CALN1: variants seen among roughly 807,000 people sequenced by gnomAD.
CALN1 encodes calcium-binding protein 8.
CALN1 carries 17 observed loss-of-function variants against 30.6 expected under a neutral mutation model. The observed-to-expected ratio is 0.56, with a 90% CI of 0.38 to 0.83. CALN1 has a LOEUF of 0.83. Ranked by LOEUF, CALN1 falls within the 40% of genes least tolerant of loss-of-function variation. CALN1 has a pLI of 0.00. For synonymous variants in CALN1, 156 were observed against 131.4 expected (o/e 1.19, Z -1.28); for missense variants, 291 against 354.9 (o/e 0.82, Z 1.45).
At chr7:71,817,559 A>G (rs1788337629) in intron 5 of CALN1, among the ~76,000 whole-genome samples, 1 of 152,246 alleles carries the variant, frequency 6.6e-6, no homozygotes, top group East Asian at 1.9e-4. Flanking sequence ...TCTGTCGCCC[A>G]GGCTGGAGTG....
intron 5 of CALN1, among the ~76,000 whole-genome samples, chr7:71,976,731 G>GA (rs903179181): frequency 8.5e-5 from 13 of 152,120 alleles, no homozygotes; most frequent in Non-Finnish European, 1.8e-4. Context: ...GATAGAAAAA[G>GA]AAACAACTGG....
chr7:71,897,167 C>G (rs1793575295), intron 5 of CALN1, among the ~76,000 whole-genome samples: 1 of 152,192 alleles, frequency 6.6e-6, no homozygotes, highest in Non-Finnish European at 1.5e-5. Context: ...CCTGTAATAT[C>G]TGTGAGTCCA....
At chr7:72,218,967 G>A (rs545921242) in intron 3 of CALN1, among the ~76,000 whole-genome samples, 1 of 152,176 alleles carries the variant, frequency 6.6e-6, no homozygotes, top group Non-Finnish European at 1.5e-5. Context: ...TCCCAAGAGC[G>A]ACAGAGTGCA....
intron 2 of CALN1, among the ~76,000 whole-genome samples, chr7:72,356,120 CATTTAAAATGATA>C (rs1803208394): frequency 4.6e-5 from 7 of 152,044 alleles, no homozygotes; most frequent in Admixed American, 4.6e-4. Context: ...ATTCTGTGTT[CATTTAAAATGATA>C]ATTTAAAAGT....
intron 2 of CALN1, among the ~76,000 whole-genome samples, chr7:72,367,917 A>G (rs1157005174): frequency 1.3e-5 from 2 of 152,056 alleles, no homozygotes; most frequent in Non-Finnish European, 2.9e-5. Context: ...ATGGATCACC[A>G]GGCCAGGAGA....
chr7:72,444,416 G>T (rs1808457074), intron 1 of CALN1, among the ~76,000 whole-genome samples: 1 of 152,172 alleles, frequency 6.6e-6, no homozygotes, highest in African/African-American at 2.4e-5. Context: ...TGGCTCAGCT[G>T]TATTTCTTAA....
intron 3 of CALN1, among the ~76,000 whole-genome samples, chr7:72,178,810 T>C (rs1219622594): frequency 6.7e-6 from 1 of 149,426 alleles, no homozygotes; most frequent in Non-Finnish European, 1.5e-5. Flanking sequence ...AATGTCATTT[T>C]GTCAGATTTA....
chr7:71,979,665 C>G (rs984459255), intron 5 of CALN1, among the ~76,000 whole-genome samples: 1 of 151,848 alleles, frequency 6.6e-6, no homozygotes, highest in Non-Finnish European at 1.5e-5. Context: ...GCTCCACGGC[C>G]GGGGGGTTGG....
intron 5 of CALN1, among the ~76,000 whole-genome samples, chr7:71,832,987 T>A (rs190070946): frequency 6.6e-6 from 1 of 152,294 alleles, no homozygotes; most frequent in Non-Finnish European, 1.5e-5. Context: ...ATGCCAGCCA[T>A]TCTACTTAGT....
chr7:72,497,693 A>C, the CALN1 span, among the ~76,000 whole-genome samples: 18 of 152,218 alleles, frequency 1.2e-4, no homozygotes, highest in Admixed American at 7.9e-4. Context: ...ACAGAATTTA[A>C]CACTCTTCAG....
chr7:72,160,346 T>C (rs1788014701), intron 3 of CALN1, among the ~76,000 whole-genome samples: 1 of 151,906 alleles, frequency 6.6e-6, no homozygotes, highest in Non-Finnish European at 1.5e-5. Context: ...TAGTGCAATC[T>C]AGTGCCACTG....
chr7:71,805,117 T>A (rs1029341828), intron 6 of CALN1, among the ~76,000 whole-genome samples: 1 of 152,176 alleles, frequency 6.6e-6, no homozygotes, highest in African/African-American at 2.4e-5. Flanking sequence ...TCTCCTGAGC[T>A]CCCAGCCCTC....
At chr7:71,960,857 G>A (rs1797214326) in intron 5 of CALN1, among the ~76,000 whole-genome samples, 1 of 152,050 alleles carries the variant, frequency 6.6e-6, no homozygotes. Context: ...TTACTCTGTT[G>A]CCCAGGTGGA....
the CALN1 span, among the ~76,000 whole-genome samples, chr7:72,494,584 A>G: frequency 6.6e-6 from 1 of 152,158 alleles, no homozygotes; most frequent in Non-Finnish European, 1.5e-5. Flanking sequence ...TACCACATCA[A>G]AGGCAACACA....
chr7:71,983,743 G>C (rs1349568454), intron 5 of CALN1, among the ~76,000 whole-genome samples: 4 of 152,094 alleles, frequency 2.6e-5, no homozygotes, highest in Non-Finnish European at 5.9e-5. Context: ...TGTTGGCCAG[G>C]CTGGTCTCGC....
intron 5 of CALN1, among the ~76,000 whole-genome samples, chr7:71,890,887 C>T (rs768482480): frequency 6.6e-5 from 10 of 151,888 alleles, no homozygotes; most frequent in Non-Finnish European, 1.2e-4. Context: ...GCTGAGACTA[C>T]AGGCATGCAC....
intron 5 of CALN1, among the ~76,000 whole-genome samples, chr7:71,972,314 A>T (rs1445611061): frequency 6.6e-6 from 1 of 152,130 alleles, no homozygotes; most frequent in Non-Finnish European, 1.5e-5. Context: ...GGGAGAAGAA[A>T]CTTCGTGTAT....
chr7:72,044,189 T>C (rs1802315243), intron 4 of CALN1, among the ~76,000 whole-genome samples: 1 of 152,004 alleles, frequency 6.6e-6, no homozygotes, highest in Admixed American at 6.6e-5. Context: ...TATTGCCCCC[T>C]CTCTCCCCTC....
chr7:72,336,918 C>A (rs529404709), intron 2 of CALN1: 2 of 984,848 alleles, frequency 2.0e-6, no homozygotes, highest in East Asian at 1.2e-4. Context: ...GGCCGCTCCC[C>A]ACGCGCGCGC....
Sources: allele counts gnomAD v4.1 joint callset (sites outside exome capture counted in the v4.1 genomes callset), GRCh38; gene constraint gnomAD v4.1.1; transcripts MANE v1.5; gene names NCBI Gene and HGNC (gene_info 2026-07-23, HGNC 2026-07-21).